YY1AP1: variants seen among roughly 807,000 people sequenced by gnomAD.
YY1AP1 encodes the protein YY1-associated protein 1.
YY1AP1 carries 43 observed loss-of-function variants against 39.9 expected under a neutral mutation model. The ratio of observed to expected loss-of-function variants is 1.08; its 90% confidence interval spans 0.84 to 1.39. The LOEUF is 1.39. Ranked by LOEUF, YY1AP1 falls within the 40% of genes most tolerant of loss-of-function variation. The probability of loss-of-function intolerance (pLI) is 0.00; values close to 1 mark genes in which losing one functional copy is unlikely to be tolerated. For synonymous variants in YY1AP1, 292 were observed against 331.3 expected, an observed-to-expected ratio of 0.88 and a Z score of 1.29; for missense variants, 813 against 900.7, an observed-to-expected ratio of 0.90 and a Z score of 1.25.
At chr1:155,664,550 A>T (rs1648663856) in intron 9 of YY1AP1, among the ~76,000 whole-genome samples, 2 of 152,040 alleles carry the variant, frequency 1.3e-5, no homozygotes, top group Admixed American at 1.3e-4. Flanking sequence ...CCTGGCCAAC[A>T]TGGCAAAACC....
Position 155,660,584 on chromosome 1 carries a change from A to G in YY1AP1, c.1326T>C (p.Pro442=). The G allele has an allele frequency of 6.2e-7, 1 of 1,614,088 alleles. No homozygotes were observed. The highest frequency in any genetic ancestry group is 8.5e-7 in the Non-Finnish European group (1 of 1,180,020). The change falls in exon 11 of 11, where the codon CCT becomes CCC. Residue 442 remains proline, a synonymous_variant. Transcript: ENST00000355499. ...TPAQSTHSEA[P]PSKMVLRIPH... ...GAATCCGGAGCACCATTTTGCTCGG[A>G]GGGGCTTCTGAATGAGTTGATTGGG...
Position 155,660,252 on chromosome 1 carries a change from A to C in YY1AP1, c.1658T>G (p.Val553Gly), listed in dbSNP as rs1647844407. 1.9e-6 allele frequency: 3 copies of C among 1,614,240 alleles called. No homozygotes were observed. The highest frequency in any genetic ancestry group is 3.3e-5 in the Admixed American group (2 of 60,028). The change falls in exon 11 of 11, where the codon GTT (valine) becomes GGT (glycine). Residue 553 changes from valine (V) to glycine (G), a missense_variant. Around this residue, in one of 3 missense-constraint regions of YY1AP1, gnomAD observed 586 missense variants for 647.4 expected, o/e 0.91. Coordinates refer to ENST00000355499, the MANE Select transcript of YY1AP1 (RefSeq NM_139119.3). ...KPAPVIHPAS[V>G]IFTVPATTVK... ...AGTGGTAGCAGGAACAGTGAAGATAACAGATGCAGGGTGGATAACAGGGGC... is the reference window on the plus strand; with the variant it reads ...AGTGGTAGCAGGAACAGTGAAGATACCAGATGCAGGGTGGATAACAGGGGC...
At chr1:155,688,992 G>C, upstream of YY1AP1, 1 of 1,603,574 alleles carries the variant, frequency 6.2e-7, no homozygotes, top group Middle Eastern at 1.7e-4. Flanking sequence ...CGCGGCGAGG[G>C]GATCGAGGGC....
At chr1:155,662,569 T>C (rs919602799) in intron 9 of YY1AP1, among the ~76,000 whole-genome samples, 5 of 151,610 alleles carry the variant, frequency 3.3e-5, no homozygotes, top group Non-Finnish European at 7.4e-5. Flanking sequence ...TCATCCAACA[T>C]GATGAACATA....
Position 155,676,624 on chromosome 1 carries a change from G to T in YY1AP1, c.248C>A (p.Pro83His). 1 of 1,614,072 alleles carries T rather than the reference G, an allele frequency of 6.2e-7. No individual in the cohort carries two copies. Among genetic ancestry groups the T allele is most frequent in the East Asian group, 2.2e-5 (1 of 44,872 alleles). ...GGTCTGATGAACTTCCTTACACTGG[G>T]GTTTAACCTTCTCTACCTCCTTCTG... is the stretch of plus-strand genomic sequence containing the variant. ...KQQKEVEKVK[P>H]QCKEVHQTLI... The change falls in exon 5 of 11, where the codon CCC (proline) becomes CAC (histidine). Residue 83 changes from proline (P) to histidine (H), a missense_variant. This residue lies in a region of YY1AP1 where 196 missense variants were observed against 189.7 expected (regional missense o/e 1.03). Coordinates refer to ENST00000355499, the MANE Select transcript of YY1AP1 (RefSeq NM_139119.3).
At chr1:155,671,013 A>T (rs1278075526) in intron 7 of YY1AP1, 1 of 156,336 alleles carries the variant, frequency 6.4e-6, no homozygotes, top group African/African-American at 2.4e-5. Context: ...CACAAAGTAA[A>T]ACAAACACTT....
At chr1:155,681,368 C>G (rs1651491637) in intron 2 of YY1AP1, among the ~76,000 whole-genome samples, 1 of 152,042 alleles carries the variant, frequency 6.6e-6, no homozygotes, top group Non-Finnish European at 1.5e-5. Context: ...CAAACCCACA[C>G]AATACTGAAT....
At chr1:155,681,137 TCTC>T (rs1651459415) in intron 2 of YY1AP1, among the ~76,000 whole-genome samples, 1 of 149,998 alleles carries the variant, frequency 6.7e-6, no homozygotes, top group South Asian at 2.1e-4. Flanking sequence ...TTCAAGCTAT[TCTC>T]CTGCCTCAGC....
rs1038718487 is a variant in YY1AP1 at position 155,659,590 on chromosome 1, A to G, written c.*67T>C. The G allele has an allele frequency of 1.9e-6, 3 of 1,565,284 alleles. No homozygotes were observed. Among genetic ancestry groups the G allele is most frequent in the Admixed American group, 3.4e-5 (2 of 58,150 alleles). The stretch of plus-strand genomic sequence containing the variant: ...CCTTTAGGGGTTTCCTATTGGTTAC[A>G]CCCTATGCGCCACCAATCGGAGGCC... On this transcript the variant is annotated 3_prime_UTR_variant, in exon 11 of 11. Transcript: ENST00000355499.
intron 9 of YY1AP1, among the ~76,000 whole-genome samples, chr1:155,665,526 G>A (rs1648852799): frequency 6.6e-6 from 1 of 151,862 alleles, no homozygotes; most frequent in Non-Finnish European, 1.5e-5. Context: ...TTGAACCCGG[G>A]AGGCGGACGT....
intron 2 of YY1AP1, among the ~76,000 whole-genome samples, chr1:155,686,026 CTTTTTTTTT>C (rs768966023): frequency 3.9e-5 from 3 of 76,338 alleles, no homozygotes; most frequent in African/African-American, 1.8e-4. Context: ...TGAAATCAGT[CTTTTTTTTT>C]TTTTTTTTTT....
intron 3 of YY1AP1, 126 bp from the exon 4 acceptor site, chr1:155,679,638 C>G: frequency 6.5e-7 from 1 of 1,545,148 alleles, no homozygotes; most frequent in Non-Finnish European, 8.7e-7. Context: ...AAAGAGCCTA[C>G]ATCAGAACCT....
chr1:155,671,322 T>C (rs1649830939), intron 7 of YY1AP1, among the ~76,000 whole-genome samples: 1 of 151,724 alleles, frequency 6.6e-6, no homozygotes, highest in African/African-American at 2.4e-5. Context: ...TTCCAGCTAC[T>C]TGGGAGGCTG....
rs1558305012 is a variant in YY1AP1 at position 155,668,787 on chromosome 1, G to A, written c.729-10C>T. ...TCCTAAAGCTAACAAACTGAGAAAG[G>A]AGCAATAACACTAAATCTCACTTCA... On this transcript the variant is annotated splice_polypyrimidine_tract_variant and intron_variant, in intron 8 of 10. Transcript: ENST00000355499. 6.2e-7 allele frequency: 1 copy of A among 1,614,102 alleles called. No homozygotes were observed. Among genetic ancestry groups the A allele is most frequent in the Admixed American group, 1.7e-5 (1 of 60,026 alleles).
intron 2 of YY1AP1, among the ~76,000 whole-genome samples, chr1:155,684,619 A>G (rs907275074): frequency 2.0e-5 from 3 of 146,396 alleles, no homozygotes; most frequent in Non-Finnish European, 3.0e-5. Flanking sequence ...TGCCGAGGCT[A>G]GAGTGCAGTG....
At chr1:155,675,274 C>T (rs1650475163) in intron 5 of YY1AP1, among the ~76,000 whole-genome samples, 178 bp from the exon 6 acceptor site, 1 of 152,062 alleles carries the variant, frequency 6.6e-6, no homozygotes, top group Non-Finnish European at 1.5e-5. Context: ...AATCTTCCCA[C>T]CTCAGCCTCC....
chr1:155,664,930 C>A (rs1326260553), intron 9 of YY1AP1, among the ~76,000 whole-genome samples: 1 of 151,852 alleles, frequency 6.6e-6, no homozygotes, highest in East Asian at 2.0e-4. Flanking sequence ...CCACCACACC[C>A]GGCTAATTTT....
chr1:155,662,758 T>G (rs934780140), intron 9 of YY1AP1, among the ~76,000 whole-genome samples: 4 of 152,064 alleles, frequency 2.6e-5, no homozygotes, highest in African/African-American at 9.7e-5. Flanking sequence ...GCCAGCACTT[T>G]GGGAGAACGA....
At chr1:155,663,396 C>T (rs1057327644) in intron 9 of YY1AP1, among the ~76,000 whole-genome samples, 2 of 144,622 alleles carry the variant, frequency 1.4e-5, no homozygotes, top group Non-Finnish European at 3.0e-5. Context: ...ATTATTTCTG[C>T]AGAAGAATAA....
Sources: gnomAD v4.1 joint callset for allele counts (sites outside exome capture counted in the v4.1 genomes callset) on GRCh38, gnomAD v4.1.1 for gene constraint, gnomAD v4.1.1 regional missense constraint, MANE v1.5 for transcripts, NCBI Gene and HGNC (gene_info 2026-07-23, HGNC 2026-07-21) for gene names.